Variants in ASXL1 observed in about 807,000 individuals in gnomAD.
The protein encoded by ASXL1 is ASXL transcriptional regulator 1.
In ASXL1, 65 loss-of-function variants were observed where a neutral mutation model predicts 89.1. That is an observed-to-expected ratio of 0.73 (90% CI 0.60 to 0.90). The LOEUF (loss-of-function observed/expected upper bound fraction) is 0.90. ASXL1 is among the 40% of genes least tolerant of loss of function. ASXL1 has a pLI of 0.00. For missense variants in ASXL1, 1,786 were observed against 1,942.9 expected (o/e 0.92, Z 1.52); for synonymous variants, 739 against 746.9 (o/e 0.99, Z 0.17).
chr20:32,437,222 C>T lies in ASXL1; in HGVS notation c.4510C>T (p.Leu1504Phe), dbSNP rs1301572138. The change falls in exon 13 of 13, where the codon CTC becomes TTC. Residue 1504 changes from leucine (L) to phenylalanine (F), a missense_variant. Physicochemically the swap from Leu to Phe is conservative, Grantham distance 22 (BLOSUM62 0). This residue lies in a region of ASXL1 where 36 missense variants were observed against 65.5 expected (regional missense o/e 0.55). Coordinates refer to ENST00000375687, the MANE Select transcript of ASXL1 (RefSeq NM_015338.6). ...CAGCAGCACGGTGGAAAGCATCTCG[C>T]TCCAGTGTGCGTGCAGCCTGAAAGC... Reference protein sequence around the residue: ...TDSSTVESISLQCACSLKAMI... With the variant: ...TDSSTVESISFQCACSLKAMI... 3.7e-6 allele frequency: 6 copies of T among 1,613,584 alleles called. No homozygotes were observed. In the African/African-American group the frequency reaches 4.0e-5, roughly 11 times the overall value.
chr20:32,358,971 A>G, intron 1 of ASXL1, 139 bp downstream of exon 1: 1 of 953,764 alleles, frequency 1.0e-6, no homozygotes, highest in African/African-American at 1.7e-5. Context: ...AGAACGGGAC[A>G]GCCCCGCAAG....
chr20:32,392,819 T>C (rs544669386), intron 4 of ASXL1, among the ~76,000 whole-genome samples: 17 of 152,266 alleles, frequency 1.1e-4, no homozygotes, highest in African/African-American at 4.1e-4. Context: ...TTTAATTCCA[T>C]TGTGGTAAGA....
chr20:32,363,576 A>C (rs959861779), intron 1 of ASXL1, among the ~76,000 whole-genome samples: 2 of 152,228 alleles, frequency 1.3e-5, no homozygotes, highest in Admixed American at 1.3e-4. Context: ...TTGTCTAGTC[A>C]TAGTTTCTCC....
chr20:32,402,587 A>G (rs2048894169), intron 4 of ASXL1, among the ~76,000 whole-genome samples: 1 of 152,244 alleles, frequency 6.6e-6, no homozygotes, highest in Admixed American at 6.5e-5. Context: ...AATGTATAAG[A>G]AATCCAATTG....
chr20:32,370,645 T>C (rs188414052), intron 4 of ASXL1, among the ~76,000 whole-genome samples: 3 of 152,310 alleles, frequency 2.0e-5, no homozygotes, highest in Admixed American at 2.0e-4. Context: ...CTTGATGGAC[T>C]GTATTCAAAA....
chr20:32,376,802 T>A (rs932455809), intron 4 of ASXL1, among the ~76,000 whole-genome samples: 1 of 123,756 alleles, frequency 8.1e-6, no homozygotes, highest in Non-Finnish European at 1.8e-5. Context: ...TATCATGATA[T>A]ATATAATGTA....
intron 4 of ASXL1, among the ~76,000 whole-genome samples, chr20:32,390,970 A>C (rs959178181): frequency 6.6e-6 from 1 of 151,888 alleles, no homozygotes; most frequent in African/African-American, 2.4e-5. Flanking sequence ...ATCATAGTTC[A>C]CTGCAGGCTT....
intron 1 of ASXL1, among the ~76,000 whole-genome samples, chr20:32,362,284 G>A (rs1169376379): frequency 6.6e-6 from 1 of 152,208 alleles, no homozygotes; most frequent in African/African-American, 2.4e-5. Context: ...AACGCTTTCA[G>A]ATTGCTCCTG....
chr20:32,438,861 G>A lies in ASXL1; in HGVS notation c.*1523G>A, dbSNP rs764331649. 2.6e-5 allele frequency: 6 copies of A among 233,344 alleles called. No homozygotes were observed. The highest frequency in any genetic ancestry group is 1.3e-4 in the African/African-American group (6 of 45,342). The allele number at this position is 233,344 out of a possible 1,614,324, so 14.5% of individuals were successfully genotyped here. Reference sequence around the variant, plus strand: ...CCTGCTCCTGCCTCTCTCCCAACATGTTTCCAGCAAGTAGATGCCCCTGTG... The same window carrying A: ...CCTGCTCCTGCCTCTCTCCCAACATATTTCCAGCAAGTAGATGCCCCTGTG... On this transcript the variant is annotated 3_prime_UTR_variant, in exon 13 of 13. Coordinates refer to ENST00000375687, the MANE Select transcript of ASXL1 (RefSeq NM_015338.6).
chr20:32,383,140 A>G (rs1054789814), intron 4 of ASXL1, among the ~76,000 whole-genome samples: 1 of 152,042 alleles, frequency 6.6e-6, no homozygotes, highest in African/African-American at 2.4e-5. Flanking sequence ...TCATCTTTTG[A>G]AGGATCTTGT....
In ASXL1 at chr20:32,368,995, A is replaced by G; in HGVS notation, c.144-20A>G. ...CAGATGGATTGTATAACCCTCATCCATTCTTTTGTGGTTTTACAGTGGGAC... is the reference window on the plus strand; with the variant it reads ...CAGATGGATTGTATAACCCTCATCCGTTCTTTTGTGGTTTTACAGTGGGAC... On this transcript the variant is annotated intron_variant, in intron 3 of 12. Transcript: ENST00000375687. 1 of 1,586,234 alleles carries G rather than the reference A, an allele frequency of 6.3e-7. No homozygotes were observed. Among genetic ancestry groups the G allele is most frequent in the Non-Finnish European group, 8.7e-7 (1 of 1,154,680 alleles).
In ASXL1 at chr20:32,435,390, A is replaced by C. The variant is rs762053816; in HGVS notation, c.2678A>C (p.Asn893Thr). Reference protein sequence around the residue: ...ENLKTKALVSNSSLHWIPIPS... With the variant: ...ENLKTKALVSTSSLHWIPIPS... ...TTGAAAACCAAGGCTCTCGTTTCTA[A>C]CAGTTCTTTGCATTGGATACCCATC... Residue 893 changes from asparagine (N) to threonine (T), a missense_variant, in exon 13 of 13, where the codon AAC (asparagine) becomes ACC (threonine). Coordinates refer to ENST00000375687, the MANE Select transcript of ASXL1 (RefSeq NM_015338.6). 1 of 1,614,208 alleles carries C rather than the reference A, an allele frequency of 6.2e-7. No individual in the cohort carries two copies. Among genetic ancestry groups the C allele is most frequent in the Non-Finnish European group, 8.5e-7 (1 of 1,180,032 alleles).
chr20:32,386,984 A>G lies in ASXL1; in HGVS notation c.252+17861A>G, dbSNP rs2048590833. Among the ~76,000 whole-genome samples the G allele has an allele frequency of 4.6e-5, 7 of 152,072 alleles. No individual in the cohort carries two copies. The South Asian group carries it at 1.5e-3, about 32-fold the overall frequency. The stretch of plus-strand genomic sequence containing the variant: ...AGCTGTTTGTTCTGATACTGTCAGT[A>G]TTTAACTTTATGTTAGAAACATTTC... On this transcript the variant is annotated intron_variant, in intron 4 of 12. Coordinates refer to ENST00000375687, the MANE Select transcript of ASXL1 (RefSeq NM_015338.6).
At chr20:32,387,795 G>A (rs896465563) in intron 4 of ASXL1, among the ~76,000 whole-genome samples, 2 of 152,132 alleles carry the variant, frequency 1.3e-5, no homozygotes, top group African/African-American at 4.8e-5. Context: ...CCTTTTGAAC[G>A]TCAGACTCAT....
At chr20:32,381,814 G>C (rs951785284) in intron 4 of ASXL1, among the ~76,000 whole-genome samples, 1 of 151,606 alleles carries the variant, frequency 6.6e-6, no homozygotes, top group African/African-American at 2.4e-5. Context: ...GCGCCTGGCC[G>C]CCTCTTATCA....
intron 4 of ASXL1, among the ~76,000 whole-genome samples, chr20:32,377,110 AT>A (rs1372222114): frequency 4.3e-4 from 47 of 110,456 alleles, no homozygotes; most frequent in East Asian, 1.9e-3. Flanking sequence ...TATATAATAT[AT>A]TAATAGATAT....
At chr20:32,424,893 A>G (rs1199419020) in intron 4 of ASXL1, among the ~76,000 whole-genome samples, 1 of 152,230 alleles carries the variant, frequency 6.6e-6, no homozygotes, top group African/African-American at 2.4e-5. Context: ...TGTAACTGCC[A>G]CTTAGATCAC....
chr20:32,434,496 C>T lies in ASXL1; in HGVS notation c.1784C>T (p.Pro595Leu). The T allele has an allele frequency of 6.2e-7, 1 of 1,614,084 alleles. No individual in the cohort carries two copies. Among genetic ancestry groups the T allele is most frequent in the Non-Finnish European group, 8.5e-7 (1 of 1,180,034 alleles). ...VKGQPTYQIC[P>L]RIIPTTESSC... ...GGTCAGCCCACTTACCAGATATGCCCCCGGATCATCCCCACCACGGAGTCC... is the reference window on the plus strand; with the variant it reads ...GGTCAGCCCACTTACCAGATATGCCTCCGGATCATCCCCACCACGGAGTCC... The change falls in exon 13 of 13, where the codon CCC (proline) becomes CTC (leucine). Residue 595 changes from proline to leucine, a missense_variant. Physicochemically the swap from Pro to Leu is moderately conservative, Grantham distance 98. Coordinates refer to ENST00000375687, the MANE Select transcript of ASXL1 (RefSeq NM_015338.6).
In ASXL1 at chr20:32,379,342, GC is replaced by G. The variant is rs555283744; in HGVS notation, c.252+10222del. ...TGGGATTACAGGTGCAGACCACCAC[GC>G]CCAACTAATTTATTTATTTATTATT... On this transcript the variant is annotated intron_variant, in intron 4 of 12. Transcript: ENST00000375687. Among the ~76,000 whole-genome samples, 71 of 131,444 alleles carry G rather than the reference GC, an allele frequency of 5.4e-4. No homozygotes were observed. In the East Asian group the frequency reaches 0.023, roughly 42 times the overall value. 86.2% of individuals were successfully genotyped at this position (131,444 alleles called of 152,430 possible). A position where few individuals can be genotyped will look rare whatever the true frequency, so the allele number is the denominator to read the frequency against.
Sources: allele counts gnomAD v4.1 joint callset (sites outside exome capture counted in the v4.1 genomes callset), GRCh38; gene constraint gnomAD v4.1.1; regional missense constraint gnomAD v4.1.1; transcripts MANE v1.5; gene names NCBI Gene and HGNC (gene_info 2026-07-23, HGNC 2026-07-21).